The following APP variants were observed in gnomAD, a reference collection of about 807,000 sequenced individuals.
APP encodes the protein amyloid beta precursor protein.
Under a neutral mutation model 101.4 loss-of-function variants are expected in APP, and 31 were observed. The ratio of observed to expected loss-of-function variants is 0.31; its 90% CI spans 0.23 to 0.41. APP has a LOEUF of 0.41. APP is among the 10% of genes least tolerant of loss of function. APP has a pLI of 1.00. For missense variants in APP, 839 were observed against 1,003.7 expected, an observed-to-expected ratio of 0.84 and a Z score of 2.22; for synonymous variants, 366 against 364.4, an observed-to-expected ratio of 1.00 and a Z score of -0.05.
At chr21:25,902,463 CAT>C (rs1719978254) in intron 15 of APP, among the ~76,000 whole-genome samples, 1 of 146,228 alleles carries the variant, frequency 6.8e-6, no homozygotes, top group Non-Finnish European at 1.5e-5. Flanking sequence ...TACTGCTATT[CAT>C]AGACAAACCT....
At chr21:25,905,962 G>A (rs1239751824) in intron 14 of APP, among the ~76,000 whole-genome samples, 1 of 152,194 alleles carries the variant, frequency 6.6e-6, no homozygotes, top group Non-Finnish European at 1.5e-5. Context: ...ACGGAGGTAG[G>A]TGCAGGGGGA....
chr21:25,909,327 A>C (rs991435476), intron 14 of APP, among the ~76,000 whole-genome samples: 5 of 152,002 alleles, frequency 3.3e-5, no homozygotes, highest in Non-Finnish European at 7.4e-5. Context: ...GCTATAATCA[A>C]TATATATATG....
intron 14 of APP, among the ~76,000 whole-genome samples, chr21:25,905,978 CT>C (rs2038769272): frequency 3.9e-5 from 6 of 152,136 alleles, no homozygotes; most frequent in African/African-American, 1.4e-4. Context: ...GGGGAAGCTG[CT>C]TTGGTAAGGT....
intron 1 of APP, among the ~76,000 whole-genome samples, chr21:26,129,238 C>T (rs1384538865): frequency 6.6e-6 from 1 of 152,004 alleles, no homozygotes; most frequent in African/African-American, 2.4e-5. Flanking sequence ...TTTGGGAAGC[C>T]GAGGCAGGTG....
intron 5 of APP, among the ~76,000 whole-genome samples, chr21:26,048,011 G>A (rs1428400696): frequency 6.6e-6 from 1 of 152,062 alleles, no homozygotes; most frequent in South Asian, 2.1e-4. Flanking sequence ...TTTTTAAACT[G>A]TCTATTAGAA....
chr21:26,080,903 T>G (rs1247621248), intron 3 of APP, among the ~76,000 whole-genome samples: 1 of 152,188 alleles, frequency 6.6e-6, no homozygotes, highest in African/African-American at 2.4e-5. Context: ...CTTTTAGGCC[T>G]TTTCATTATT....
chr21:25,975,372 A>T, intron 10 of APP, 144 bp from the exon 11 acceptor site: 1 of 1,081,822 alleles, frequency 9.2e-7, no homozygotes, highest in South Asian at 1.4e-5. Context: ...TCCAACATTG[A>T]CTAATTCTAC....
chr21:25,905,200 G>T, intron 14 of APP, 123 bp from the exon 15 acceptor site: 1 of 837,324 alleles, frequency 1.2e-6, no homozygotes, highest in Non-Finnish European at 2.0e-6. Flanking sequence ...CAAAAAAGGA[G>T]CAGCCAGAAA....
At chr21:26,109,286 G>A (rs1477204709) in intron 2 of APP, among the ~76,000 whole-genome samples, 1 of 152,184 alleles carries the variant, frequency 6.6e-6, no homozygotes, top group Non-Finnish European at 1.5e-5. Flanking sequence ...TTGGAAGTGG[G>A]GTCTGGTGGG....
At chr21:25,918,389 G>A (rs1459834860) in intron 13 of APP, among the ~76,000 whole-genome samples, 2 of 152,170 alleles carry the variant, frequency 1.3e-5, no homozygotes, top group Non-Finnish European at 2.9e-5. Context: ...CAAGATGGCC[G>A]AATAGGAACA....
chr21:25,905,253 G>A (rs978520855), intron 14 of APP, among the ~76,000 whole-genome samples, 176 bp from the exon 15 acceptor site: 2 of 152,132 alleles, frequency 1.3e-5, no homozygotes, highest in African/African-American at 4.8e-5. Flanking sequence ...GACCAGGAGG[G>A]GCACCACTTT....
At chr21:26,164,784 A>C (rs2146391645) in intron 1 of APP, among the ~76,000 whole-genome samples, 1 of 147,070 alleles carries the variant, frequency 6.8e-6, no homozygotes. Flanking sequence ...TGAACCCAGG[A>C]GGCGGAGGTT....
At chr21:25,941,138 A>G (rs2040559700) in intron 13 of APP, among the ~76,000 whole-genome samples, 1 of 152,252 alleles carries the variant, frequency 6.6e-6, no homozygotes, top group African/African-American at 2.4e-5. Context: ...GTACACATCA[A>G]AGTAATGTTA....
At chr21:26,149,323 T>C (rs752515099) in intron 1 of APP, among the ~76,000 whole-genome samples, 13 of 152,182 alleles carry the variant, frequency 8.5e-5, no homozygotes, top group Non-Finnish European at 1.6e-4. Flanking sequence ...GGGATAACAG[T>C]AGGTACCTCA....
rs562889501 is a variant in APP at position 25,972,805 on chromosome 21, A to G, written c.1458+2265T>C. On this transcript the variant is annotated intron_variant, in intron 11 of 17. Transcript: ENST00000346798. ...CAAAATGATGACTTCATGGGTAAAC[A>G]TGTTGTTTTTTTTTTAAATTTACAA... is the stretch of plus-strand genomic sequence containing the variant. 2.0e-5 allele frequency among the ~76,000 whole-genome samples: 3 copies of G among 151,628 alleles called. No individual in the cohort carries two copies. In the East Asian group the frequency reaches 5.9e-4, roughly 30 times the overall value.
intron 11 of APP, among the ~76,000 whole-genome samples, chr21:25,961,459 T>C (rs1568766353): frequency 6.6e-6 from 1 of 152,106 alleles, no homozygotes; most frequent in Admixed American, 6.5e-5. Flanking sequence ...CAGTTCCCTA[T>C]ACTTTTATAT....
intron 14 of APP, among the ~76,000 whole-genome samples, chr21:25,908,518 T>C: frequency 6.6e-6 from 1 of 152,256 alleles, no homozygotes; most frequent in African/African-American, 2.4e-5. Context: ...AAAGAAAGAC[T>C]AACAAGTTTC....
chr21:26,142,989 T>C (rs2063080899), intron 1 of APP, among the ~76,000 whole-genome samples: 2 of 152,188 alleles, frequency 1.3e-5, no homozygotes, highest in South Asian at 2.1e-4. Flanking sequence ...AGATAGGCAT[T>C]AGAAAAATTC....
At chr21:26,017,034 T>G (rs1254817061) in intron 6 of APP, among the ~76,000 whole-genome samples, 6 of 148,080 alleles carry the variant, frequency 4.1e-5, no homozygotes, top group African/African-American at 1.6e-4. Context: ...CTGACTCTAC[T>G]AAAAATACAA....
Sources: allele counts gnomAD v4.1 joint callset (sites outside exome capture counted in the v4.1 genomes callset), GRCh38; gene constraint gnomAD v4.1.1; transcripts MANE v1.5; gene names NCBI Gene and HGNC (gene_info 2026-07-23, HGNC 2026-07-21).